UBE2L3: variants seen among roughly 807,000 people sequenced by gnomAD.
The protein encoded by UBE2L3 is ubiquitin conjugating enzyme E2 L3.
In UBE2L3, 1 loss-of-function variant was observed where a neutral mutation model predicts 17.8. That is an observed-to-expected ratio of 0.06 (90% CI 0.02 to 0.27). The LOEUF (loss-of-function observed/expected upper bound fraction) is 0.27. Ranked by LOEUF, UBE2L3 falls within the 10% of genes least tolerant of loss-of-function variation. The probability of loss-of-function intolerance (pLI) is 1.00; values close to 1 mark genes in which losing one functional copy is unlikely to be tolerated. For synonymous variants in UBE2L3, 44 were observed against 68.5 expected (o/e 0.64, Z 1.76); for missense variants, 40 against 192.6 (o/e 0.21, Z 4.69).
chr22:21,575,412 TAAAAA>T (rs547379857), intron 1 of UBE2L3, among the ~76,000 whole-genome samples: 1 of 101,742 alleles, frequency 9.8e-6, no homozygotes, highest in Non-Finnish European at 2.0e-5. Flanking sequence ...CCATCTCTAC[TAAAAA>T]AAAAAAAAAA....
At chr22:21,559,348 AAAATAAAT>A (rs131647) in intron 1 of UBE2L3, among the ~76,000 whole-genome samples, 1 of 144,444 alleles carries the variant, frequency 6.9e-6, no homozygotes, top group African/African-American at 2.7e-5. Context: ...ACTCTGTCTC[AAAATAAAT>A]AAATAAATAA....
intron 1 of UBE2L3, among the ~76,000 whole-genome samples, chr22:21,578,216 C>T (rs1199889816): frequency 6.6e-6 from 1 of 151,728 alleles, no homozygotes; most frequent in African/African-American, 2.4e-5. Flanking sequence ...AAAAATTAGC[C>T]GGGCGTGGTG....
intron 1 of UBE2L3, among the ~76,000 whole-genome samples, chr22:21,572,422 C>CAAAAAAAA: frequency 9.5e-6 from 1 of 104,802 alleles, no homozygotes; most frequent in Non-Finnish European, 1.8e-5. Context: ...GACTCCGTCT[C>CAAAAAAAA]AAAAAAAAAA....
intron 2 of UBE2L3, 148 bp downstream of exon 2, chr22:21,593,104 T>C (rs1928345741): frequency 4.5e-6 from 3 of 670,336 alleles, no homozygotes; most frequent in Non-Finnish European, 2.6e-6. Context: ...GGTGATAAGG[T>C]AGGGAGTGTA....
chr22:21,562,436 A>G (rs1366503865), intron 1 of UBE2L3, among the ~76,000 whole-genome samples: 5 of 150,376 alleles, frequency 3.3e-5, no homozygotes, highest in African/African-American at 9.8e-5. Context: ...CAGTGGCACA[A>G]TCTCCGCTCA....
At chr22:21,574,348 G>A (rs535908223) in intron 1 of UBE2L3, among the ~76,000 whole-genome samples, 22 of 152,120 alleles carry the variant, frequency 1.4e-4, no homozygotes, top group Non-Finnish European at 2.2e-4. Context: ...TAGTTACTTC[G>A]TCCGTGTGTG....
upstream of UBE2L3, chr22:21,567,641 T>A: frequency 6.5e-7 from 1 of 1,545,396 alleles, no homozygotes; most frequent in Non-Finnish European, 8.7e-7. Flanking sequence ...GCTCTGCTCC[T>A]GTGCCCCGCC....
intron 1 of UBE2L3, among the ~76,000 whole-genome samples, chr22:21,580,472 T>C (rs368359442): frequency 1.2e-3 from 179 of 152,332 alleles, no homozygotes; most frequent in African/African-American, 3.6e-3. Context: ...TTCTTTGAGA[T>C]AGACTCTCAC....
intron 1 of UBE2L3, among the ~76,000 whole-genome samples, chr22:21,581,737 G>A (rs550013522): frequency 1.3e-5 from 2 of 151,946 alleles, no homozygotes; most frequent in East Asian, 1.9e-4. Flanking sequence ...GGGAGGCGGG[G>A]GTTGTGGTGA....
intron 1 of UBE2L3, among the ~76,000 whole-genome samples, chr22:21,589,442 C>T (rs73400428): frequency 0.031 from 4,674 of 152,080 alleles, 234 homozygotes; most frequent in African/African-American, 0.11. Flanking sequence ...CCACTGCGCC[C>T]GGCATGATTG....
intron 2 of UBE2L3, among the ~76,000 whole-genome samples, chr22:21,593,837 C>CTCCTGTTCTGCCACTCCT (rs1315820178): frequency 6.6e-6 from 1 of 152,156 alleles, no homozygotes; most frequent in Non-Finnish European, 1.5e-5. Flanking sequence ...CTGCCACTCG[C>CTCCTGTTCTGCCACTCCT]TCCTGTTCTG....
chr22:21,563,377 C>T (rs1229414051), upstream of UBE2L3, among the ~76,000 whole-genome samples: 10 of 149,838 alleles, frequency 6.7e-5, no homozygotes, highest in South Asian at 1.9e-3. Context: ...CAGTGAAACC[C>T]CATCTCTACT....
intron 2 of UBE2L3, among the ~76,000 whole-genome samples, chr22:21,605,004 G>T (rs1185297554): frequency 6.6e-6 from 1 of 152,158 alleles, no homozygotes; most frequent in East Asian, 1.9e-4. Context: ...AGGCTGGAAG[G>T]CAGTGGCGTG....
intron 1 of UBE2L3, among the ~76,000 whole-genome samples, chr22:21,592,583 G>A (rs911768646): frequency 2.0e-5 from 3 of 152,170 alleles, no homozygotes; most frequent in Non-Finnish European, 2.9e-5. Flanking sequence ...GAGGTGGTAC[G>A]TCTGCAGAAG....
At position 21,576,889 on chromosome 22, in the gene UBE2L3, C is replaced by T. The variant is rs374123105; in HGVS notation, c.27+9118C>T. Among the ~76,000 whole-genome samples, 102 of 144,766 alleles carry T rather than the reference C, an allele frequency of 7.0e-4. 1 individual carries two copies. The South Asian group carries it at 0.015, about 21-fold the overall frequency. The allele number at this position is 144,766 out of a possible 152,430, so 95.0% of individuals were successfully genotyped here. ...CACGATCTTGGCTCACTGCAACCTT[C>T]ACCTCTGGGTTCAAGCAATTCTCCC... On this transcript the variant is annotated intron_variant, in intron 1 of 3. Transcript: ENST00000342192.
At position 21,582,923 on chromosome 22, in the gene UBE2L3, C is replaced by T. The variant is rs140477700; in HGVS notation, c.28-9938C>T. ...ACCCATCTTGTACTGGAGGCTGATG[C>T]AATAAGCAGGTCCTAGATGGCGCCT... On this transcript the variant is annotated intron_variant, in intron 1 of 3. Transcript: ENST00000342192. Among the ~76,000 whole-genome samples, 1,438 of 152,218 alleles carry T rather than the reference C, an allele frequency of 9.4e-3. 28 individuals are homozygous for T. Among genetic ancestry groups the T allele is most frequent in the African/African-American group, 0.033 (1,370 of 41,534 alleles).
chr22:21,564,915 C>T (rs185872794), upstream of UBE2L3, among the ~76,000 whole-genome samples: 11 of 152,096 alleles, frequency 7.2e-5, no homozygotes, highest in East Asian at 2.1e-3. Context: ...TGATGGGGTC[C>T]CTCATGCATA....
At chr22:21,593,334 T>C (rs779696497) in intron 2 of UBE2L3, among the ~76,000 whole-genome samples, 30 of 152,176 alleles carry the variant, frequency 2.0e-4, no homozygotes, top group Non-Finnish European at 4.0e-4. Context: ...CTTTCTCTCT[T>C]GGTTTTGCAT....
intron 1 of UBE2L3, 25 bp from the exon 2 acceptor site, chr22:21,592,836 C>T (rs1270334206): frequency 6.4e-7 from 1 of 1,574,536 alleles, no homozygotes; most frequent in Non-Finnish European, 8.7e-7. Flanking sequence ...TATTTGACAC[C>T]CCTTTATGCT....
Sources: allele counts gnomAD v4.1 joint callset (sites outside exome capture counted in the v4.1 genomes callset), GRCh38; gene constraint gnomAD v4.1.1; transcripts MANE v1.5; gene names NCBI Gene and HGNC (gene_info 2026-07-23, HGNC 2026-07-21).